MTUS2: variants seen among roughly 807,000 people sequenced by gnomAD.
MTUS2 encodes the protein microtubule associated scaffold protein 2, also known as microtubule-associated tumor suppressor candidate 2.
Under a neutral mutation model 114.1 loss-of-function variants are expected in MTUS2, and 40 were observed. The ratio of observed to expected loss-of-function variants is 0.35; its 90% CI spans 0.27 to 0.46. The LOEUF (loss-of-function observed/expected upper bound fraction) is 0.46. Ranked by LOEUF, MTUS2 falls within the 20% of genes least tolerant of loss-of-function variation. MTUS2 has a pLI of 1.00. For synonymous variants in MTUS2, 688 were observed against 672.0 expected, an observed-to-expected ratio of 1.02 and a Z score of -0.37; for missense variants, 1,679 against 1,705.4, an observed-to-expected ratio of 0.98 and a Z score of 0.27.
At chr13:29,214,454 C>T (rs1422967961) in intron 5 of MTUS2, among the ~76,000 whole-genome samples, 2 of 152,152 alleles carry the variant, frequency 1.3e-5, no homozygotes, top group East Asian at 1.9e-4. Flanking sequence ...TTCATAATGT[C>T]GTTGGTCTTT....
chr13:29,359,958 G>T (rs962396659), intron 8 of MTUS2, among the ~76,000 whole-genome samples: 3 of 152,192 alleles, frequency 2.0e-5, no homozygotes, highest in Admixed American at 6.5e-5. Flanking sequence ...AGTTCCCAGA[G>T]CAGCATGGGG....
intron 2 of MTUS2, among the ~76,000 whole-genome samples, chr13:28,918,007 A>G (rs1230016990): frequency 5.3e-5 from 8 of 151,718 alleles, no homozygotes; most frequent in Admixed American, 5.3e-4. Context: ...ATTTGCATGT[A>G]TTTTTTATAG....
At chr13:29,108,244 A>G (rs571555071) in intron 5 of MTUS2, among the ~76,000 whole-genome samples, 1 of 152,348 alleles carries the variant, frequency 6.6e-6, no homozygotes, top group East Asian at 1.9e-4. Flanking sequence ...TTGTGAGGTC[A>G]GACTTCAGAG....
intron 8 of MTUS2, among the ~76,000 whole-genome samples, chr13:29,426,531 C>G (rs149455589): frequency 6.6e-6 from 1 of 152,326 alleles, no homozygotes; most frequent in Non-Finnish European, 1.5e-5. Flanking sequence ...CAATTCCCTA[C>G]TTCTCCCTGT....
intron 8 of MTUS2, among the ~76,000 whole-genome samples, chr13:29,389,029 G>A (rs1022550011): frequency 6.6e-6 from 1 of 151,802 alleles, no homozygotes; most frequent in African/African-American, 2.4e-5. Flanking sequence ...TTTCCTCATA[G>A]CAGTGATAAT....
intron 5 of MTUS2, among the ~76,000 whole-genome samples, chr13:29,136,423 A>G (rs1445456033): frequency 2.0e-5 from 3 of 152,178 alleles, no homozygotes; most frequent in Non-Finnish European, 4.4e-5. Flanking sequence ...CCCCTTAGAT[A>G]GCTTCAGGAT....
At chr13:29,389,338 T>TATAC (rs1308853140) in intron 8 of MTUS2, among the ~76,000 whole-genome samples, 2 of 53,324 alleles carry the variant, frequency 3.8e-5, no homozygotes, top group Non-Finnish European at 9.5e-5. Flanking sequence ...TGTATATATG[T>TATAC]ATGCACGTGT....
intron 5 of MTUS2, among the ~76,000 whole-genome samples, chr13:29,190,433 C>T (rs1894399941): frequency 1.3e-5 from 2 of 152,340 alleles, no homozygotes; most frequent in South Asian, 2.1e-4. Flanking sequence ...CTGGGATGCA[C>T]ACCCAGGTCG....
intron 5 of MTUS2, among the ~76,000 whole-genome samples, chr13:29,250,927 A>G (rs1348122047): frequency 6.6e-6 from 1 of 152,182 alleles, no homozygotes; most frequent in Non-Finnish European, 1.5e-5. Context: ...TATTGACCAA[A>G]GTTTTAAATA....
At chr13:29,171,143 T>A (rs34032667) in intron 5 of MTUS2, among the ~76,000 whole-genome samples, 23,390 of 149,726 alleles carry the variant, frequency 0.16, 1,910 homozygotes, top group East Asian at 0.3. Flanking sequence ...AGAGAGAGAG[T>A]GTGTGTGTGT....
At chr13:29,450,256 G>C (rs140105890) in intron 9 of MTUS2, among the ~76,000 whole-genome samples, 87 of 152,168 alleles carry the variant, frequency 5.7e-4, no homozygotes, top group African/African-American at 2.0e-3. Context: ...TTTTTTTCTC[G>C]TTGGTGACCT....
At chr13:28,998,829 G>A (rs1885245035) in intron 2 of MTUS2, among the ~76,000 whole-genome samples, 1 of 152,010 alleles carries the variant, frequency 6.6e-6, no homozygotes, top group African/African-American at 2.4e-5. Context: ...CTTTGCCATT[G>A]GTTCGAACTT....
At chr13:28,831,205 C>T (rs1874652645) in intron 1 of MTUS2, among the ~76,000 whole-genome samples, 1 of 151,884 alleles carries the variant, frequency 6.6e-6, no homozygotes, top group African/African-American at 2.4e-5. Context: ...CTATTTAACA[C>T]AAAAGAGGGC....
At chr13:28,829,766 G>T (rs1292846825) in intron 1 of MTUS2, among the ~76,000 whole-genome samples, 1 of 152,180 alleles carries the variant, frequency 6.6e-6, no homozygotes, top group Non-Finnish European at 1.5e-5. Flanking sequence ...ACCAGTTGGG[G>T]TTAACAAGAG....
chr13:29,503,473 CT>C lies in MTUS2; in HGVS notation c.*270del. 5.3e-6 allele frequency: 3 copies of C among 565,670 alleles called. No individual in the cohort carries two copies. Among genetic ancestry groups the C allele is most frequent in the African/African-American group, 1.9e-5 (1 of 53,484 alleles). 35.0% of individuals were successfully genotyped at this position (565,670 alleles called of 1,614,324 possible). A position where few individuals can be genotyped will look rare whatever the true frequency, so the allele number is the denominator to read the frequency against. The stretch of plus-strand genomic sequence containing the variant: ...CTTGCAATTGTTCTTGAGCAATGAA[CT>C]TTCACTGCAGAATTTCAGGTTAGTT... On this transcript the variant is annotated 3_prime_UTR_variant, in exon 16 of 16. Coordinates refer to ENST00000612955, the MANE Select transcript of MTUS2 (RefSeq NM_001033602.4).
intron 8 of MTUS2, among the ~76,000 whole-genome samples, chr13:29,437,621 A>C (rs985819075): frequency 3.3e-5 from 5 of 152,180 alleles, no homozygotes; most frequent in African/African-American, 1.2e-4. Flanking sequence ...AATTAAGCAA[A>C]ATCAGGGCAG....
intron 5 of MTUS2, among the ~76,000 whole-genome samples, chr13:29,171,681 A>G (rs1050795682): frequency 1.9e-4 from 29 of 152,228 alleles, no homozygotes; most frequent in Admixed American, 6.5e-5. Context: ...TCTCTTGTGT[A>G]AAATAAATCT....
At chr13:28,947,180 CTAAT>C (rs1389190205) in intron 2 of MTUS2, among the ~76,000 whole-genome samples, 1 of 152,144 alleles carries the variant, frequency 6.6e-6, no homozygotes, top group African/African-American at 2.4e-5. Context: ...CTTGAATTTA[CTAAT>C]TAAAGTTTTA....
At chr13:29,334,264 A>T (rs967282501) in intron 7 of MTUS2, among the ~76,000 whole-genome samples, 2 of 152,138 alleles carry the variant, frequency 1.3e-5, no homozygotes, top group Non-Finnish European at 1.5e-5. Context: ...CTAGCTGGTT[A>T]TTCTGCCATT....
Sources: allele counts gnomAD v4.1 joint callset (sites outside exome capture counted in the v4.1 genomes callset), GRCh38; gene constraint gnomAD v4.1.1; transcripts MANE v1.5; gene names NCBI Gene and HGNC (gene_info 2026-07-23, HGNC 2026-07-21).